RORA: variants seen among roughly 807,000 people sequenced by gnomAD.
RORA encodes the protein RAR related orphan receptor A.
Under a neutral mutation model 69.5 loss-of-function variants are expected in RORA, and 7 were observed. The ratio of observed to expected loss-of-function variants is 0.10; its 90% CI spans 0.06 to 0.19. RORA has a LOEUF of 0.19. Ranked by LOEUF, RORA falls within the 10% of genes least tolerant of loss-of-function variation. The probability of loss-of-function intolerance (pLI) is 1.00; values close to 1 mark genes in which losing one functional copy is unlikely to be tolerated. For synonymous variants in RORA, 261 were observed against 240.8 expected (o/e 1.08, Z -0.78); for missense variants, 457 against 663.0 (o/e 0.69, Z 3.41).
intron 1 of RORA, among the ~76,000 whole-genome samples, chr15:60,982,691 A>AGAT (rs1894079678): frequency 6.6e-6 from 1 of 152,252 alleles, no homozygotes; most frequent in Non-Finnish European, 1.5e-5. Context: ...TATGGGATTC[A>AGAT]GATAAGTTAA....
intron 1 of RORA, among the ~76,000 whole-genome samples, chr15:60,768,913 G>A (rs1224854512): frequency 6.6e-6 from 1 of 152,132 alleles, no homozygotes; most frequent in Non-Finnish European, 1.5e-5. Context: ...GTTTCAATCG[G>A]CATTATTTCA....
chr15:60,808,595 A>G (rs986830509), intron 1 of RORA, among the ~76,000 whole-genome samples: 2 of 151,938 alleles, frequency 1.3e-5, no homozygotes, highest in African/African-American at 4.8e-5. Flanking sequence ...CATTATATGA[A>G]AAAGATACTT....
At chr15:60,620,938 GTGCTGCAATCCCGGGCTGC>G (rs2069387558) in intron 2 of RORA, among the ~76,000 whole-genome samples, 1 of 152,232 alleles carries the variant, frequency 6.6e-6, no homozygotes, top group Non-Finnish European at 1.5e-5. Context: ...GGGCTGCCAA[GTGCTGCAATCCCGGGCTGC>G]GTTTCTTATG....
intron 2 of RORA, chr15:60,615,035 G>A: frequency 6.2e-7 from 1 of 1,611,150 alleles, no homozygotes; most frequent in South Asian, 1.1e-5. Flanking sequence ...GAGCTGTCAG[G>A]GAAAACAGAA....
chr15:60,760,851 G>GACAC (rs150514615), intron 1 of RORA, among the ~76,000 whole-genome samples: 258 of 149,960 alleles, frequency 1.7e-3, no homozygotes, highest in African/African-American at 5.9e-3. Context: ...CATGCAGACA[G>GACAC]ACACACACAC....
chr15:60,724,959 G>T (rs1406171229), intron 1 of RORA, among the ~76,000 whole-genome samples: 1 of 152,100 alleles, frequency 6.6e-6, no homozygotes, highest in Non-Finnish European at 1.5e-5. Context: ...CCTATGTTTG[G>T]TGAGTTCTAC....
intron 2 of RORA, among the ~76,000 whole-genome samples, chr15:60,543,718 G>A (rs551376903): frequency 2.4e-4 from 37 of 152,236 alleles, no homozygotes; most frequent in Middle Eastern, 3.4e-3. Flanking sequence ...CCGGACTCAA[G>A]TGATCTAGCT....
chr15:60,668,964 C>T (rs752173472), intron 2 of RORA, among the ~76,000 whole-genome samples: 4 of 152,170 alleles, frequency 2.6e-5, no homozygotes, highest in Non-Finnish European at 5.9e-5. Flanking sequence ...ATAGTCACTG[C>T]AGTTGACTTT....
chr15:60,794,485 T>C (rs1030015137), intron 1 of RORA, among the ~76,000 whole-genome samples: 1 of 152,196 alleles, frequency 6.6e-6, no homozygotes, highest in Non-Finnish European at 1.5e-5. Context: ...TGCTGCCCTT[T>C]GGAAGAAAAA....
intron 1 of RORA, among the ~76,000 whole-genome samples, chr15:61,091,966 A>G (rs1157521247): frequency 6.6e-6 from 1 of 152,212 alleles, no homozygotes; most frequent in Non-Finnish European, 1.5e-5. Flanking sequence ...GGCCCCCAAG[A>G]CTAGCTTTTA....
intron 1 of RORA, among the ~76,000 whole-genome samples, chr15:60,838,869 C>G (rs1256396007): frequency 1.2e-5 from 1 of 83,844 alleles, no homozygotes; most frequent in Non-Finnish European, 3.1e-5. Context: ...CACACACACA[C>G]ACACACACAC....
chr15:60,659,895 A>G (rs1386771272), intron 2 of RORA, among the ~76,000 whole-genome samples: 1 of 152,218 alleles, frequency 6.6e-6, no homozygotes, highest in East Asian at 1.9e-4. Context: ...GGAGCATTTT[A>G]AAGTAAATCT....
chr15:60,932,791 T>G (rs1332061133), intron 1 of RORA, among the ~76,000 whole-genome samples: 1 of 152,156 alleles, frequency 6.6e-6, no homozygotes, highest in Admixed American at 6.5e-5. Flanking sequence ...TGAGCTTGGC[T>G]GGCATGTGAC....
chr15:61,020,911 G>A (rs1451328401), intron 1 of RORA, among the ~76,000 whole-genome samples: 1 of 152,170 alleles, frequency 6.6e-6, no homozygotes, highest in Non-Finnish European at 1.5e-5. Context: ...CAGTTATGAT[G>A]AATTCAATTG....
chr15:60,718,140 C>G (rs1300834410), intron 1 of RORA, among the ~76,000 whole-genome samples: 1 of 152,134 alleles, frequency 6.6e-6, no homozygotes, highest in Non-Finnish European at 1.5e-5. Flanking sequence ...AAAGTTATGT[C>G]ACTATGGTAC....
chr15:60,842,231 A>G (rs758719285), intron 1 of RORA, among the ~76,000 whole-genome samples: 3 of 151,454 alleles, frequency 2.0e-5, no homozygotes, highest in Non-Finnish European at 4.4e-5. Context: ...TTTCTCCCCA[A>G]ACTGATGACA....
At chr15:61,021,756 T>G (rs922819174) in intron 1 of RORA, among the ~76,000 whole-genome samples, 1 of 152,238 alleles carries the variant, frequency 6.6e-6, no homozygotes. Context: ...AGGGCATGTC[T>G]GAGATGCACG....
Position 60,958,779 on chromosome 15 carries a change from A to C in RORA, c.166+270274T>G, listed in dbSNP as rs374199666. Among the ~76,000 whole-genome samples the C allele has an allele frequency of 4.9e-4, 75 of 152,340 alleles. 1 individual carries two copies. In the South Asian group the frequency reaches 0.015, roughly 30 times the overall value. ...ATCCACAAAAATGTATGGAAAGTAC[A>C]TTTGGAATGTGTCCTGTGGGAAGAT... On this transcript the variant is annotated intron_variant, in intron 1 of 10. Transcript: ENST00000335670.
chr15:60,926,530 C>T (rs1480484183), intron 1 of RORA, among the ~76,000 whole-genome samples: 5 of 152,254 alleles, frequency 3.3e-5, no homozygotes, highest in Non-Finnish European at 7.3e-5. Flanking sequence ...CACAGTGGTA[C>T]ATCTTCTCAG....
Sources: allele counts gnomAD v4.1 joint callset (sites outside exome capture counted in the v4.1 genomes callset), GRCh38; gene constraint gnomAD v4.1.1; transcripts MANE v1.5; gene names NCBI Gene and HGNC (gene_info 2026-07-23, HGNC 2026-07-21).